Variants in PCNX1 observed in about 807,000 individuals in gnomAD.
The protein encoded by PCNX1 is pecanex-like protein 1.
Under a neutral mutation model 242.2 loss-of-function variants are expected in PCNX1, and 78 were observed. That is an observed-to-expected ratio of 0.32 (90% CI 0.27 to 0.39). PCNX1 has a LOEUF of 0.39. PCNX1 is among the 10% of genes least tolerant of loss of function. The pLI, the probability that PCNX1 is intolerant of heterozygous loss-of-function variation, is 1.00. For missense variants in PCNX1, 2,581 were observed against 2,856.5 expected, an observed-to-expected ratio of 0.90 and a Z score of 2.20; for synonymous variants, 1,024 against 1,032.9, an observed-to-expected ratio of 0.99 and a Z score of 0.17.
chr14:71,003,860 C>T (rs1415806220), intron 8 of PCNX1, among the ~76,000 whole-genome samples: 1 of 152,224 alleles, frequency 6.6e-6, no homozygotes, highest in Non-Finnish European at 1.5e-5. Flanking sequence ...TCTTCTTATA[C>T]CTACCTTTTC....
chr14:70,932,166 A>G (rs1566581893), intron 1 of PCNX1, among the ~76,000 whole-genome samples: 2 of 152,208 alleles, frequency 1.3e-5, no homozygotes, highest in Non-Finnish European at 2.9e-5. Context: ...TAATCTAAAT[A>G]AATTTAGTGT....
chr14:71,114,956 GGGA>G lies in PCNX1; in HGVS notation c.*5022_*5024del, dbSNP rs1304001464. On this transcript the variant is annotated 3_prime_UTR_variant, in exon 36 of 36. Coordinates refer to ENST00000304743, the MANE Select transcript of PCNX1 (RefSeq NM_014982.3). ...AAATAATAGAAATGGGGGGGGGGGG[GGGA>G]ATCATGTCTGCTTATGCTTTTTAAA... 2.9e-5 allele frequency: 3 copies of G among 104,680 alleles called. No homozygotes were observed. The highest frequency in any genetic ancestry group is 4.0e-5 in the Non-Finnish European group (2 of 49,532). The allele number at this position is 104,680 out of a possible 1,614,324, so 6.5% of individuals were successfully genotyped here. A position where few individuals can be genotyped will look rare whatever the true frequency, so the allele number is the denominator to read the frequency against.
At chr14:71,018,138 C>T (rs1232322352) in intron 11 of PCNX1, among the ~76,000 whole-genome samples, 2 of 151,806 alleles carry the variant, frequency 1.3e-5, no homozygotes, top group Non-Finnish European at 2.9e-5. Flanking sequence ...TCCTCCTATG[C>T]CCATGGTTTT....
intron 1 of PCNX1, among the ~76,000 whole-genome samples, chr14:70,925,148 C>T (rs1455095940): frequency 2.0e-5 from 3 of 152,034 alleles, no homozygotes; most frequent in Non-Finnish European, 2.9e-5. Context: ...GCCACAACGT[C>T]CGGCTAATTT....
chr14:71,108,304 C>T (rs1175693836), intron 33 of PCNX1, among the ~76,000 whole-genome samples: 1 of 152,058 alleles, frequency 6.6e-6, no homozygotes, highest in Admixed American at 6.6e-5. Context: ...AGGATTTATC[C>T]CAACCTTAAG....
At chr14:70,923,204 G>A (rs967900552) in intron 1 of PCNX1, among the ~76,000 whole-genome samples, 1 of 151,856 alleles carries the variant, frequency 6.6e-6, no homozygotes, top group African/African-American at 2.4e-5. Context: ...GTAAAAATTA[G>A]TTATTGTGGT....
chr14:71,013,351 G>A lies in PCNX1; in HGVS notation c.2996+149G>A, dbSNP rs1258523083. 4.3e-6 allele frequency: 3 copies of A among 703,200 alleles called. No individual in the cohort carries two copies. In the African/African-American group the frequency reaches 5.3e-5, roughly 13 times the overall value. 43.6% of individuals were successfully genotyped at this position (703,200 alleles called of 1,614,324 possible). On this transcript the variant is annotated intron_variant, in intron 11 of 35. Transcript: ENST00000304743. ...CTGGATATAAAACTTAAGGTAATGG[G>A]TTTCTAAACAGTGACTATCTTAAAT...
At position 70,925,727 on chromosome 14, in the gene PCNX1, A is replaced by G. The variant is rs139067874; in HGVS notation, c.153+17724A>G. Among the ~76,000 whole-genome samples, 1,106 of 152,268 alleles carry G rather than the reference A, an allele frequency of 7.3e-3. 12 individuals are homozygous for G. Among genetic ancestry groups the G allele is most frequent in the African/African-American group, 0.021 (888 of 41,524 alleles). On this transcript the variant is annotated intron_variant, in intron 1 of 35. Transcript: ENST00000304743. ...TTGTGCTGTTATATACCCATGCACCATATGCTTTCAAATGTTCTCATTTAA... is the reference window on the plus strand; with the variant it reads ...TTGTGCTGTTATATACCCATGCACCGTATGCTTTCAAATGTTCTCATTTAA...
chr14:71,095,768 T>G (rs1566799314), intron 30 of PCNX1, among the ~76,000 whole-genome samples: 1 of 152,238 alleles, frequency 6.6e-6, no homozygotes, highest in Non-Finnish European at 1.5e-5. Flanking sequence ...TGTAGAACTT[T>G]ACATATTTAT....
intron 9 of PCNX1, 138 bp from the exon 10 acceptor site, chr14:71,011,354 C>G (rs2140548803): frequency 3.0e-6 from 2 of 656,372 alleles, no homozygotes; most frequent in Non-Finnish European, 5.5e-6. Flanking sequence ...ATGTGCTTAT[C>G]ACAACTCTAG....
At chr14:71,057,798 A>C in intron 26 of PCNX1, 74 bp downstream of exon 26, 1 of 980,274 alleles carries the variant, frequency 1.0e-6, no homozygotes, top group Non-Finnish European at 1.6e-6. Context: ...TTCTATCTCA[A>C]ACCAGAAGTT....
In PCNX1 at chr14:70,978,244, C is replaced by T. The variant is rs1595118477; in HGVS notation, c.1907C>T (p.Pro636Leu). ...ACCACTTCTCATTCCTGTCAGTCTC[C>T]TGAGGGCAGATACAGTGCTCTAAAG... The part of the protein sequence containing the change: ...SSTTSHSCQS[P>L]EGRYSALKTK... Residue 636 changes from proline to leucine, a missense_variant, in exon 6 of 36, where the codon CCT becomes CTT. Pro to Leu is a moderately conservative substitution (Grantham distance 98). Transcript: ENST00000304743. 1 of 1,614,068 alleles carries T rather than the reference C, an allele frequency of 6.2e-7. No homozygotes were observed. The highest frequency in any genetic ancestry group is 8.5e-7 in the Non-Finnish European group (1 of 1,180,024).
intron 25 of PCNX1, among the ~76,000 whole-genome samples, chr14:71,057,073 C>A (rs766510304): frequency 6.6e-6 from 1 of 152,138 alleles, no homozygotes. Flanking sequence ...TAACCAGCTT[C>A]TTTTTGATTG....
chr14:70,994,396 G>GATATATATATATGTATAT (rs2059267360), intron 7 of PCNX1, among the ~76,000 whole-genome samples: 8 of 96,958 alleles, frequency 8.3e-5, no homozygotes, highest in South Asian at 4.1e-4. Flanking sequence ...ACAGGCTTAA[G>GATATATATATATGTATAT]ATATATATAT....
intron 16 of PCNX1, chr14:71,031,932 G>A (rs1400893020): frequency 2.8e-6 from 4 of 1,425,614 alleles, no homozygotes; most frequent in Non-Finnish European, 4.0e-6. Flanking sequence ...ACCACAGGCG[G>A]AACTCCCCAA....
Position 71,052,024 on chromosome 14 carries a change from A to G in PCNX1, c.4577+12A>G. Reference sequence around the variant, plus strand: ...GAGAGAGACTATAAGTGAGTAAAGTAAAACACTTGAAAAACAATTTTTATC... The same window carrying G: ...GAGAGAGACTATAAGTGAGTAAAGTGAAACACTTGAAAAACAATTTTTATC... On this transcript the variant is annotated intron_variant, in intron 24 of 35. Transcript: ENST00000304743. The G allele has an allele frequency of 6.3e-7, 1 of 1,591,238 alleles. No individual in the cohort carries two copies. The highest frequency in any genetic ancestry group is 8.6e-7 in the Non-Finnish European group (1 of 1,169,412).
intron 9 of PCNX1, chr14:71,009,965 G>T (rs149535652): frequency 3.1e-6 from 1 of 320,428 alleles, no homozygotes; most frequent in Non-Finnish European, 5.7e-6. Context: ...TCTTGTTTGC[G>T]GTGAGGACAC....
At chr14:70,938,308 C>G (rs1238914732) in intron 1 of PCNX1, among the ~76,000 whole-genome samples, 1 of 151,884 alleles carries the variant, frequency 6.6e-6, no homozygotes, top group African/African-American at 2.4e-5. Context: ...TACGTCCCAT[C>G]AATACCTAAT....
intron 7 of PCNX1, among the ~76,000 whole-genome samples, chr14:70,995,251 A>G (rs936825897): frequency 6.6e-6 from 1 of 152,042 alleles, no homozygotes; most frequent in Non-Finnish European, 1.5e-5. Context: ...ATTTGATAAG[A>G]TTATTTGGTT....
Sources: allele counts gnomAD v4.1 joint callset (sites outside exome capture counted in the v4.1 genomes callset), GRCh38; gene constraint gnomAD v4.1.1; transcripts MANE v1.5; gene names NCBI Gene and HGNC (gene_info 2026-07-23, HGNC 2026-07-21).